Variants in PTPN4 observed in about 807,000 individuals in gnomAD.
The protein encoded by PTPN4 is tyrosine-protein phosphatase non-receptor type 4.
Under a neutral mutation model 135.5 loss-of-function variants are expected in PTPN4, and 49 were observed. The observed-to-expected ratio is 0.36, with a 90% CI of 0.29 to 0.46. PTPN4 has a LOEUF of 0.46. PTPN4 is among the 20% of genes least tolerant of loss of function. The pLI is 1.00. For missense variants in PTPN4, 860 were observed against 1,101.0 expected (o/e 0.78, Z 3.10); for synonymous variants, 333 against 369.9 (o/e 0.90, Z 1.14).
intron 13 of PTPN4, among the ~76,000 whole-genome samples, chr2:119,928,644 AAAATG>A (rs1438046491): frequency 6.6e-6 from 1 of 152,174 alleles, no homozygotes; most frequent in Non-Finnish European, 1.5e-5. Context: ...TCACTTATGG[AAAATG>A]AAATGAGTCC....
chr2:119,952,123 C>A lies in PTPN4; in HGVS notation c.1807C>A (p.Pro603Thr), dbSNP rs779167115. The A allele has an allele frequency of 1.2e-6, 2 of 1,611,262 alleles. No homozygotes were observed. Among genetic ancestry groups the A allele is most frequent in the Non-Finnish European group, 1.7e-6 (2 of 1,177,870 alleles). ...TGGGGAACTCATGCTTCTAGTTCGACCTAATGGTGAGTACTCTATGTAGTA... is the reference window on the plus strand; with the variant it reads ...TGGGGAACTCATGCTTCTAGTTCGAACTAATGGTGAGTACTCTATGTAGTA... ...HSGELMLLVR[P>T]NAVYDVVEEK... The change falls in exon 19 of 27, where the codon CCT becomes ACT. Residue 603 changes from proline to threonine, a missense_variant. Pro to Thr is a conservative substitution (Grantham distance 38). This residue lies in a region of PTPN4 where 684 missense variants were observed against 807.0 expected (regional missense o/e 0.85). Transcript: ENST00000263708.
At chr2:119,824,264 T>C (rs1677113725) in intron 2 of PTPN4, among the ~76,000 whole-genome samples, 1 of 152,190 alleles carries the variant, frequency 6.6e-6, no homozygotes, top group South Asian at 2.1e-4. Flanking sequence ...AAAAAGGATG[T>C]CTGTTCTACT....
chr2:119,951,265 C>G (rs1679207528), intron 18 of PTPN4, among the ~76,000 whole-genome samples: 1 of 152,182 alleles, frequency 6.6e-6, no homozygotes, highest in Non-Finnish European at 1.5e-5. Flanking sequence ...TCTCCAACAA[C>G]AGTGTTAACA....
intron 15 of PTPN4, among the ~76,000 whole-genome samples, chr2:119,936,524 C>T (rs565881392): frequency 2.0e-5 from 3 of 152,168 alleles, no homozygotes; most frequent in South Asian, 4.2e-4. Context: ...TGGCATTTCC[C>T]CTGCATGCAC....
chr2:119,958,950 T>TA (rs1434514231), intron 22 of PTPN4, among the ~76,000 whole-genome samples: 1 of 151,920 alleles, frequency 6.6e-6, no homozygotes, highest in East Asian at 1.9e-4. Flanking sequence ...AAATCACCAG[T>TA]AAAAAAACCC....
intron 2 of PTPN4, among the ~76,000 whole-genome samples, chr2:119,849,619 AT>A (rs1399015082): frequency 6.6e-6 from 1 of 152,086 alleles, no homozygotes; most frequent in Non-Finnish European, 1.5e-5. Flanking sequence ...GACATTTTAG[AT>A]TGTGTATTGT....
intron 10 of PTPN4, among the ~76,000 whole-genome samples, chr2:119,907,619 A>C (rs1328572286): frequency 6.6e-6 from 1 of 152,076 alleles, no homozygotes; most frequent in Non-Finnish European, 1.5e-5. Context: ...AAGAAAAAAA[A>C]AAATATTGTA....
rs550364964 is a variant in PTPN4 at position 119,805,193 on chromosome 2, G to GT, written c.-17-4643dup. Among the ~76,000 whole-genome samples the GT allele has an allele frequency of 1.6e-4, 24 of 152,186 alleles. 1 individual carries two copies. In the East Asian group the frequency reaches 3.3e-3, roughly 21 times the overall value. On this transcript the variant is annotated intron_variant, in intron 1 of 26. Coordinates refer to ENST00000263708, the MANE Select transcript of PTPN4 (RefSeq NM_002830.4). Reference sequence around the variant, plus strand: ...TGTAGATTCTGGATATTAGCCCTTCGTAGATGGATAGATTGCAAAAATTTT... The same window carrying GT: ...TGTAGATTCTGGATATTAGCCCTTCGTTAGATGGATAGATTGCAAAAATTTT...
intron 19 of PTPN4, 50 bp downstream of exon 19, chr2:119,952,179 C>A: frequency 2.0e-6 from 3 of 1,472,808 alleles, no homozygotes; most frequent in Non-Finnish European, 2.8e-6. Flanking sequence ...TATTACTGTT[C>A]ATTACTGAGC....
At position 119,919,949 on chromosome 2, in the gene PTPN4, A is replaced by G. The variant is rs1481315192; in HGVS notation, c.829-120A>G. 6.0e-6 allele frequency: 8 copies of G among 1,339,260 alleles called. No individual in the cohort carries two copies. In the East Asian group the frequency reaches 1.5e-4, roughly 26 times the overall value. The allele number at this position is 1,339,260 out of a possible 1,614,324, so 83.0% of individuals were successfully genotyped here. ...ATAAAAGATCCCATAGGTTCTATCT[A>G]TATCATTAACAAGTTCATGTTTACA... is the stretch of plus-strand genomic sequence containing the variant. On this transcript the variant is annotated intron_variant, in intron 11 of 26. Transcript: ENST00000263708.
At position 119,857,470 on chromosome 2, in the gene PTPN4, G is replaced by A. The variant is rs551936765; in HGVS notation, c.139-5066G>A. 8.0e-5 allele frequency among the ~76,000 whole-genome samples: 12 copies of A among 149,670 alleles called. No individual in the cohort carries two copies. The South Asian group carries it at 2.6e-3, about 33-fold the overall frequency. ...AATTGCTTGAACCAGTGAGGTGGAG[G>A]TTGCAGTGAGCCGAGATCACACCAC... On this transcript the variant is annotated intron_variant, in intron 2 of 26. Transcript: ENST00000263708.
intron 2 of PTPN4, among the ~76,000 whole-genome samples, chr2:119,858,824 C>G (rs569028777): frequency 6.6e-6 from 1 of 152,026 alleles, no homozygotes; most frequent in African/African-American, 2.4e-5. Flanking sequence ...TTAGTAGAGA[C>G]AAGGTTTCAC....
intron 12 of PTPN4, among the ~76,000 whole-genome samples, chr2:119,926,381 T>C (rs977282811): frequency 1.1e-4 from 16 of 152,122 alleles, no homozygotes; most frequent in Non-Finnish European, 2.4e-4. Context: ...ATGGAGGGAG[T>C]TGAACACATC....
chr2:119,949,702 A>G (rs1486285427), intron 18 of PTPN4, among the ~76,000 whole-genome samples: 2 of 151,966 alleles, frequency 1.3e-5, no homozygotes, highest in African/African-American at 4.8e-5. Flanking sequence ...AATTCACCAG[A>G]TATGGTGGCA....
chr2:119,955,179 A>C lies in PTPN4; in HGVS notation c.1836A>C (p.Glu612Asp). 1 of 1,609,818 alleles carries C rather than the reference A, an allele frequency of 6.2e-7. No individual in the cohort carries two copies. The highest frequency in any genetic ancestry group is 8.5e-7 in the Non-Finnish European group (1 of 1,178,822). Reference sequence around the variant, plus strand: ...TAGCTGTATATGATGTAGTGGAAGAAAAGCTAGAAAATGAGCCAGATTTCC... The same window carrying C: ...TAGCTGTATATGATGTAGTGGAAGACAAGCTAGAAAATGAGCCAGATTTCC... ...RPNAVYDVVE[E>D]KLENEPDFQY... The change falls in exon 20 of 27, where the codon GAA (glutamate) becomes GAC (aspartate). Residue 612 changes from glutamate (E) to aspartate (D), a missense_variant. Physicochemically the swap from Glu to Asp is conservative, Grantham distance 45. This residue lies in a region of PTPN4 where 684 missense variants were observed against 807.0 expected (regional missense o/e 0.85). Transcript: ENST00000263708.
intron 1 of PTPN4, among the ~76,000 whole-genome samples, chr2:119,786,302 A>T (rs572245519): frequency 1.3e-5 from 2 of 152,240 alleles, no homozygotes; most frequent in South Asian, 4.1e-4. Context: ...AGTCACTTTT[A>T]TTGTATTTGC....
rs551769263 is a variant in PTPN4, at chr2:119,913,590, G to A, written c.765-1589G>A. On this transcript the variant is annotated intron_variant, in intron 10 of 26. Coordinates refer to ENST00000263708, the MANE Select transcript of PTPN4 (RefSeq NM_002830.4). ...GGATCACTTGAGCCTAGGAGTTTGAGGCCAGGCTGGGCAACATAGCGAAAC... is the reference window on the plus strand; with the variant it reads ...GGATCACTTGAGCCTAGGAGTTTGAAGCCAGGCTGGGCAACATAGCGAAAC... Among the ~76,000 whole-genome samples, 3 of 152,292 alleles carry A rather than the reference G, an allele frequency of 2.0e-5. No homozygotes were observed. In the South Asian group the frequency reaches 6.2e-4, roughly 32 times the overall value.
rs371379611 is a variant in PTPN4, at chr2:119,945,236, C to T, written c.1511C>T (p.Pro504Leu). 7 of 1,549,422 alleles carry T rather than the reference C, an allele frequency of 4.5e-6. No individual in the cohort carries two copies. In the African/African-American group the frequency reaches 9.8e-5, roughly 22 times the overall value. Residue 504 changes from proline (P) to leucine (L), a missense_variant, in exon 16 of 27, where the codon CCC becomes CTC. Pro to Leu is a moderately conservative substitution (Grantham distance 98). Transcript: ENST00000263708. ...TFDIPSSPEK[P>L]TPNGGIPHDN... Reference sequence around the variant, plus strand: ...GATATTCCATCTTCTCCTGAAAAACCCACTGTAAGTAGCTTCTTCAGATAT... The same window carrying T: ...GATATTCCATCTTCTCCTGAAAAACTCACTGTAAGTAGCTTCTTCAGATAT...
intron 1 of PTPN4, among the ~76,000 whole-genome samples, chr2:119,763,288 C>G (rs1293709380): frequency 6.6e-6 from 1 of 152,032 alleles, no homozygotes; most frequent in African/African-American, 2.4e-5. Flanking sequence ...AAAATTACAT[C>G]GTATAGACTA....
Sources: allele counts gnomAD v4.1 joint callset (sites outside exome capture counted in the v4.1 genomes callset), GRCh38; gene constraint gnomAD v4.1.1; regional missense constraint gnomAD v4.1.1; transcripts MANE v1.5; gene names NCBI Gene and HGNC (gene_info 2026-07-23, HGNC 2026-07-21).